VPS37A: variants seen among roughly 807,000 people sequenced by gnomAD.
VPS37A encodes the protein vacuolar protein sorting-associated protein 37A.
In VPS37A, 30 loss-of-function variants were observed where a neutral mutation model predicts 49.8. That is an observed-to-expected ratio of 0.60 (90% CI 0.45 to 0.82). VPS37A has a LOEUF of 0.82. VPS37A is among the 40% of genes least tolerant of loss of function. The pLI is 0.00. For synonymous variants in VPS37A, 195 were observed against 160.6 expected (o/e 1.21, Z -1.62); for missense variants, 593 against 464.4 (o/e 1.28, Z -2.55).
the VPS37A span, among the ~76,000 whole-genome samples, chr8:17,329,331 G>A: frequency 5.4e-3 from 826 of 152,258 alleles, 8 homozygotes; most frequent in Admixed American, 7.9e-3. Context: ...TCAAGACCAC[G>A]TACAGGCATC....
intron 6 of VPS37A, among the ~76,000 whole-genome samples, chr8:17,277,214 G>C (rs1017825565): frequency 3.3e-5 from 5 of 151,966 alleles, no homozygotes; most frequent in African/African-American, 9.7e-5. Context: ...ATTTGCACCA[G>C]TGTTTTATAG....
chr8:17,306,393 A>G (rs75828577), downstream of VPS37A, among the ~76,000 whole-genome samples: 4,442 of 152,152 alleles, frequency 0.029, 233 homozygotes, highest in African/African-American at 0.1. Flanking sequence ...ACAACTTGAA[A>G]AAAAAAAATA....
At chr8:17,253,841 T>C (rs1812194536) in intron 1 of VPS37A, among the ~76,000 whole-genome samples, 2 of 152,200 alleles carry the variant, frequency 1.3e-5, no homozygotes. Flanking sequence ...TCTCAAAATC[T>C]TTAATGTGCT....
At chr8:17,253,044 T>C (rs1405405230) in intron 1 of VPS37A, among the ~76,000 whole-genome samples, 1 of 152,204 alleles carries the variant, frequency 6.6e-6, no homozygotes, top group African/African-American at 2.4e-5. Flanking sequence ...TAAAGCATGG[T>C]ACCATTTAAG....
At chr8:17,275,120 A>G (rs1814394042) in intron 5 of VPS37A, among the ~76,000 whole-genome samples, 162 bp downstream of exon 5, 1 of 152,192 alleles carries the variant, frequency 6.6e-6, no homozygotes, top group South Asian at 2.1e-4. Context: ...AACAAATAAT[A>G]ATTTTAAATA....
At chr8:17,282,498 A>G (rs1274219064) in intron 9 of VPS37A, among the ~76,000 whole-genome samples, 2 of 152,114 alleles carry the variant, frequency 1.3e-5, no homozygotes, top group Admixed American at 6.6e-5. Context: ...ATTTACCTCT[A>G]CAGATTGAAA....
chr8:17,251,940 C>A (rs1303294721), intron 1 of VPS37A, among the ~76,000 whole-genome samples: 3 of 152,084 alleles, frequency 2.0e-5, no homozygotes, highest in South Asian at 2.1e-4. Context: ...AAGACTTTGT[C>A]CCCCTATCTC....
chr8:17,327,796 T>C, the VPS37A span, among the ~76,000 whole-genome samples: 1 of 152,188 alleles, frequency 6.6e-6, no homozygotes, highest in Admixed American at 6.5e-5. Context: ...TACTTTGAGG[T>C]TTTAACTTAC....
intron 4 of VPS37A, among the ~76,000 whole-genome samples, chr8:17,271,402 G>C (rs1165002821): frequency 6.6e-6 from 1 of 152,104 alleles, no homozygotes; most frequent in Non-Finnish European, 1.5e-5. Flanking sequence ...TCAGGAGATC[G>C]AGACCATCCT....
chr8:17,287,093 G>A (rs979140801), intron 11 of VPS37A, among the ~76,000 whole-genome samples: 7 of 151,980 alleles, frequency 4.6e-5, no homozygotes, highest in Admixed American at 1.3e-4. Flanking sequence ...CTTCTACCAC[G>A]GTATCTTTGG....
intron 11 of VPS37A, among the ~76,000 whole-genome samples, chr8:17,290,126 A>G (rs1241154602): frequency 3.3e-5 from 5 of 152,226 alleles, no homozygotes; most frequent in Non-Finnish European, 7.3e-5. Context: ...TCCTAAATAT[A>G]CAATCGGGTC....
chr8:17,301,446 G>A (rs1189004289), downstream of VPS37A, among the ~76,000 whole-genome samples: 6 of 152,154 alleles, frequency 3.9e-5, no homozygotes, highest in African/African-American at 1.4e-4. Flanking sequence ...CACAAAGGTA[G>A]GAAGGTCTAA....
At chr8:17,333,346 T>C in the VPS37A span, among the ~76,000 whole-genome samples, 1 of 152,262 alleles carries the variant, frequency 6.6e-6, no homozygotes, top group Admixed American at 6.5e-5. Flanking sequence ...TAGACATTGT[T>C]CTTCCAAAAC....
chr8:17,291,858 C>A (rs983556552), intron 11 of VPS37A, among the ~76,000 whole-genome samples: 4 of 152,112 alleles, frequency 2.6e-5, no homozygotes, highest in Non-Finnish European at 5.9e-5. Flanking sequence ...GATTTCCATT[C>A]TTTTGCATTT....
At chr8:17,302,307 T>G, downstream of VPS37A, 1 of 1,608,032 alleles carries the variant, frequency 6.2e-7, no homozygotes, top group Non-Finnish European at 8.5e-7. Flanking sequence ...AGCGTCGTGA[T>G]ACCACCTTAT....
At chr8:17,304,397 G>A (rs1168113154), downstream of VPS37A, 2 of 1,612,904 alleles carry the variant, frequency 1.2e-6, no homozygotes, top group Non-Finnish European at 1.7e-6. Flanking sequence ...GAAGTTACAT[G>A]GTGTTGTAGG....
At chr8:17,312,665 C>G in the VPS37A span, among the ~76,000 whole-genome samples, 1 of 151,368 alleles carries the variant, frequency 6.6e-6, no homozygotes, top group Non-Finnish European at 1.5e-5. Context: ...GCCTTATTCA[C>G]ATCACATCTG....
At chr8:17,272,016 A>G (rs781245649) in intron 4 of VPS37A, 2 of 456,640 alleles carry the variant, frequency 4.4e-6, no homozygotes, top group African/African-American at 4.0e-5. Context: ...AGGTGGCACC[A>G]TCCGCACTGC....
rs755490745 is a variant in VPS37A at position 17,274,860 on chromosome 8, TCAA to T, written c.551_553del (p.Thr184del). 6.8e-6 allele frequency: 11 copies of T among 1,614,058 alleles called. No individual in the cohort carries two copies. The highest frequency in any genetic ancestry group is 2.2e-5 in the South Asian group (2 of 91,086). ...ATCTGTTGCTGACACTGTTTCTTCTTCAACAACAAGTCATACCACAGCCAAGCC... is the reference window on the plus strand; with the variant it reads ...ATCTGTTGCTGACACTGTTTCTTCTTCAACAAGTCATACCACAGCCAAGCC... On this transcript the variant is annotated inframe_deletion, in exon 5 of 12. Transcript: ENST00000324849.
Sources: gnomAD v4.1 joint callset for allele counts (sites outside exome capture counted in the v4.1 genomes callset) on GRCh38, gnomAD v4.1.1 for gene constraint, MANE v1.5 for transcripts, NCBI Gene and HGNC (gene_info 2026-07-23, HGNC 2026-07-21) for gene names.